Variants in BACH2 observed in about 807,000 individuals in gnomAD.
BACH2 encodes the protein BACH transcriptional regulator 2.
In BACH2, 5 loss-of-function variants were observed where a neutral mutation model predicts 61.8. The ratio of observed to expected loss-of-function variants is 0.08; its 90% CI spans 0.04 to 0.17. BACH2 has a LOEUF of 0.17. BACH2 is among the 10% of genes least tolerant of loss of function. The probability of loss-of-function intolerance (pLI) is 1.00; values close to 1 mark genes in which losing one functional copy is unlikely to be tolerated. For synonymous variants in BACH2, 446 were observed against 440.1 expected (o/e 1.01, Z -0.17); for missense variants, 824 against 1,091.1 (o/e 0.76, Z 3.45).
chr6:90,210,230 GTGACTTCAT>G (rs955869466), intron 3 of BACH2, among the ~76,000 whole-genome samples: 1 of 151,736 alleles, frequency 6.6e-6, no homozygotes, highest in African/African-American at 2.4e-5. Flanking sequence ...TGGACTAGAA[GTGACTTCAT>G]TTCAAGACGC....
chr6:90,087,287 G>T (rs1362242110), intron 5 of BACH2, among the ~76,000 whole-genome samples: 1 of 152,134 alleles, frequency 6.6e-6, no homozygotes. Context: ...CAAGTAAAAT[G>T]TTATAAATCA....
intron 4 of BACH2, among the ~76,000 whole-genome samples, chr6:90,199,965 C>T (rs1015355754): frequency 6.6e-6 from 1 of 152,142 alleles, no homozygotes; most frequent in East Asian, 1.9e-4. Flanking sequence ...ACTCATCTCA[C>T]GGCCCTTTTA....
At position 89,951,117 on chromosome 6, in the gene BACH2, T is replaced by C; in HGVS notation, c.989A>G (p.Glu330Gly). Residue 330 changes from glutamate (E) to glycine (G), a missense_variant, in exon 7 of 9, where the codon GAG (glutamate) becomes GGG (glycine). Around this residue, in one of 8 missense-constraint regions of BACH2, gnomAD observed 226 missense variants for 228.5 expected, o/e 0.99. Transcript: ENST00000257749. The surrounding 1 kb of genome is among the most constrained non-coding windows in gnomAD (Gnocchi z 6.4). Reference protein sequence around the residue: ...PTAPAGAACLERSRSVASPSC... With the variant: ...PTAPAGAACLGRSRSVASPSC... ...GGGCGAGGCCACGCTCCTGGATCTC[T>C]CCAGGCAGGCGGCCCCAGCTGGGGC... The C allele has an allele frequency of 6.2e-7, 1 of 1,612,212 alleles. No individual in the cohort carries two copies. Among genetic ancestry groups the C allele is most frequent in the Non-Finnish European group, 8.5e-7 (1 of 1,179,272 alleles).
Position 89,951,205 on chromosome 6 carries a change from TGGCGTCA to T in BACH2, c.894_900del (p.Asp299ArgfsTer41). 1 of 1,614,018 alleles carries T rather than the reference TGGCGTCA, an allele frequency of 6.2e-7. No individual in the cohort carries two copies. The highest frequency in any genetic ancestry group is 8.5e-7 in the Non-Finnish European group (1 of 1,180,018). The stretch of plus-strand genomic sequence containing the variant: ...ATCTCGACATCCCCCGCTCTGTCCT[TGGCGTCA>T]GGCTCATCTCCAGACAGGCAGAGCG... On this transcript the variant is annotated frameshift_variant, in exon 7 of 9. Coordinates refer to ENST00000257749, the MANE Select transcript of BACH2 (RefSeq NM_021813.4). LOFTEE classifies it high-confidence loss of function. This position sits in a 1 kb window ranked among gnomAD's most constrained non-coding sequence, Gnocchi z 6.4.
intron 6 of BACH2, chr6:89,952,170 G>A: frequency 2.8e-6 from 1 of 351,910 alleles, no homozygotes; most frequent in South Asian, 3.6e-5. Flanking sequence ...AAAATGCACG[G>A]TGACAATGGG....
At chr6:90,231,003 C>A (rs1770078966) in intron 3 of BACH2, among the ~76,000 whole-genome samples, 1 of 152,114 alleles carries the variant, frequency 6.6e-6, no homozygotes, top group Non-Finnish European at 1.5e-5. Flanking sequence ...ATGTGGTACC[C>A]TGTTTCCCAA....
chr6:90,075,463 T>C (rs758006706), intron 5 of BACH2, among the ~76,000 whole-genome samples: 4 of 152,164 alleles, frequency 2.6e-5, no homozygotes, highest in Non-Finnish European at 5.9e-5. Context: ...CCAAGGCTTC[T>C]CCTGTCCACA....
At chr6:89,998,495 C>T (rs575441229) in intron 6 of BACH2, among the ~76,000 whole-genome samples, 4 of 152,052 alleles carry the variant, frequency 2.6e-5, no homozygotes, top group Admixed American at 2.6e-4. Context: ...AGAACACTTC[C>T]GAGATCCTAG....
intron 2 of BACH2, among the ~76,000 whole-genome samples, chr6:90,257,222 T>C (rs1165292887): frequency 1.3e-5 from 2 of 152,198 alleles, no homozygotes; most frequent in African/African-American, 2.4e-5. Context: ...GGTGATTTCA[T>C]TTCCTTTGGG....
rs1772544701 is a variant in BACH2 at position 89,929,938 on chromosome 6, A to G, written c.*2470T>C. On this transcript the variant is annotated 3_prime_UTR_variant, in exon 9 of 9. Coordinates refer to ENST00000257749, the MANE Select transcript of BACH2 (RefSeq NM_021813.4). Reference sequence around the variant, plus strand: ...TACTGTCAGCTGACTCCACTGTAACACACGCCTGCGAAGTATCACGTGATT... The same window carrying G: ...TACTGTCAGCTGACTCCACTGTAACGCACGCCTGCGAAGTATCACGTGATT... 6.6e-6 allele frequency: 1 copy of G among 152,332 alleles called. No homozygotes were observed. Among genetic ancestry groups the G allele is most frequent in the South Asian group, 2.1e-4 (1 of 4,836 alleles). The allele number at this position is 152,332 out of a possible 1,614,324, so 9.4% of individuals were successfully genotyped here.
At chr6:90,121,756 G>C (rs532966799) in intron 4 of BACH2, among the ~76,000 whole-genome samples, 4 of 152,282 alleles carry the variant, frequency 2.6e-5, no homozygotes, top group Non-Finnish European at 5.9e-5. Context: ...ATGTTGGTCA[G>C]GCTGGTCTCG....
chr6:90,249,799 T>A (rs1439314610), intron 3 of BACH2, among the ~76,000 whole-genome samples: 2 of 152,020 alleles, frequency 1.3e-5, no homozygotes, highest in African/African-American at 4.8e-5. Flanking sequence ...AACCTAAGAT[T>A]GAACAACAAA....
intron 7 of BACH2, among the ~76,000 whole-genome samples, chr6:89,941,219 G>C (rs1301897761): frequency 6.6e-6 from 1 of 152,220 alleles, no homozygotes; most frequent in Admixed American, 6.5e-5. Context: ...AGTCCCGGCT[G>C]CCGGCATGTG....
intron 7 of BACH2, among the ~76,000 whole-genome samples, chr6:89,940,517 T>C (rs1773358700): frequency 6.6e-6 from 1 of 152,200 alleles, no homozygotes; most frequent in Non-Finnish European, 1.5e-5. Flanking sequence ...CTGGTCCTGC[T>C]TCAGAAGCTC....
In BACH2 at chr6:90,140,981, T is replaced by G. The variant is rs79921702; in HGVS notation, c.-161-51872A>C. 7.9e-3 allele frequency among the ~76,000 whole-genome samples: 1,204 copies of G among 152,230 alleles called. 19 individuals are homozygous for G. The highest frequency in any genetic ancestry group is 0.027 in the African/African-American group (1,134 of 41,538). On this transcript the variant is annotated intron_variant, in intron 4 of 8. Coordinates refer to ENST00000257749, the MANE Select transcript of BACH2 (RefSeq NM_021813.4). The stretch of plus-strand genomic sequence containing the variant: ...TATTCATCAAGGTTACTTATCATAG[T>G]AAGGAAATGAAAAAACCTTCAATAT...
chr6:90,062,512 C>A (rs1355012625), intron 5 of BACH2, among the ~76,000 whole-genome samples: 1 of 152,134 alleles, frequency 6.6e-6, no homozygotes, highest in African/African-American at 2.4e-5. Context: ...TTGGGAATTA[C>A]TTCTAGGATG....
intron 6 of BACH2, among the ~76,000 whole-genome samples, chr6:89,993,284 G>C (rs1776675005): frequency 6.6e-6 from 1 of 152,266 alleles, no homozygotes; most frequent in Admixed American, 6.5e-5. Flanking sequence ...TAAGGATTGA[G>C]TTAAGAGAAA....
At chr6:90,098,937 C>G (rs1428040488) in intron 4 of BACH2, among the ~76,000 whole-genome samples, 1 of 152,232 alleles carries the variant, frequency 6.6e-6, no homozygotes, top group East Asian at 1.9e-4. Flanking sequence ...CATGCTGGCT[C>G]TACCCCAGTG....
At chr6:90,240,433 T>C (rs1272899796) in intron 3 of BACH2, among the ~76,000 whole-genome samples, 1 of 152,186 alleles carries the variant, frequency 6.6e-6, no homozygotes, top group East Asian at 1.9e-4. Context: ...TACTTGAAAA[T>C]ACTTTGCTTT....
Sources: gnomAD v4.1 joint callset for allele counts (sites outside exome capture counted in the v4.1 genomes callset) on GRCh38, gnomAD v4.1.1 for gene constraint, gnomAD v4.1.1 regional missense constraint, Gnocchi (gnomAD v3.1) non-coding constraint, MANE v1.5 for transcripts, NCBI Gene and HGNC (gene_info 2026-07-23, HGNC 2026-07-21) for gene names.